The following ITGA11 variants were observed in gnomAD, a reference collection of about 807,000 sequenced individuals.
The protein encoded by ITGA11 is integrin subunit alpha 11, also known as integrin alpha-11.
Under a neutral mutation model 141.9 loss-of-function variants are expected in ITGA11, and 97 were observed. The ratio of observed to expected loss-of-function variants is 0.68; its 90% CI spans 0.58 to 0.81. The LOEUF is 0.81. Among genes scored for constraint, ITGA11 ranks in the 30% least tolerant of loss-of-function variants. The probability of loss-of-function intolerance (pLI) is 0.00; values close to 1 mark genes in which losing one functional copy is unlikely to be tolerated. For missense variants in ITGA11, 1,387 were observed against 1,559.2 expected (o/e 0.89, Z 1.86); for synonymous variants, 658 against 624.6 (o/e 1.05, Z -0.80).
At chr15:68,395,361 T>G (rs113392325) in intron 2 of ITGA11, among the ~76,000 whole-genome samples, 1 of 151,822 alleles carries the variant, frequency 6.6e-6, no homozygotes, top group African/African-American at 2.4e-5. Context: ...TTCAGAAGGT[T>G]GGCAATAACA....
In ITGA11 at chr15:68,403,961, CAA is replaced by C. The variant is rs1218363542; in HGVS notation, c.53-934_53-933del. 2.0e-5 allele frequency among the ~76,000 whole-genome samples: 3 copies of C among 152,136 alleles called. No homozygotes were observed. In the East Asian group the frequency reaches 5.8e-4, roughly 29 times the overall value. On this transcript the variant is annotated intron_variant, in intron 1 of 29. Coordinates refer to ENST00000315757, the MANE Select transcript of ITGA11 (RefSeq NM_001004439.2). Reference sequence around the variant, plus strand: ...ATAGGGGGGACATAAAACCTGCTCTCAAAGAGACCCAGTCTGAATGGAAGACC... The same window carrying C: ...ATAGGGGGGACATAAAACCTGCTCTCAGAGACCCAGTCTGAATGGAAGACC...
intron 2 of ITGA11, among the ~76,000 whole-genome samples, chr15:68,386,159 T>C (rs1034219932): frequency 6.6e-6 from 1 of 152,178 alleles, no homozygotes; most frequent in Non-Finnish European, 1.5e-5. Flanking sequence ...GGTATTAACC[T>C]GATCAACCTA....
intron 1 of ITGA11, among the ~76,000 whole-genome samples, chr15:68,423,599 G>A (rs749499958): frequency 1.4e-4 from 21 of 152,182 alleles, no homozygotes; most frequent in Non-Finnish European, 2.5e-4. Context: ...CAAAGAGTCT[G>A]GACTCAACCC....
Position 68,325,100 on chromosome 15 carries a change from C to A in ITGA11, c.2322+31G>T, listed in dbSNP as rs1328287929. On this transcript the variant is annotated intron_variant, in intron 18 of 29. Transcript: ENST00000315757. This position sits in a 1 kb window ranked among gnomAD's most constrained non-coding sequence, Gnocchi z 5.5. ...GGTGGAGGTGGGGGTGGGGTTCATG[C>A]CCGAGGTGCGTGCCCTGTACCGAGA... 1.3e-6 allele frequency: 2 copies of A among 1,533,490 alleles called. No individual in the cohort carries two copies. The highest frequency in any genetic ancestry group is 3.3e-5 in the Admixed American group (2 of 59,892). The allele number at this position is 1,533,490 out of a possible 1,614,324, so 95.0% of individuals were successfully genotyped here.
chr15:68,316,806 C>T (rs149693491), intron 21 of ITGA11, among the ~76,000 whole-genome samples: 9 of 152,330 alleles, frequency 5.9e-5, no homozygotes, highest in Admixed American at 3.9e-4. Flanking sequence ...TGCAATCTGG[C>T]GTCTCCCTCC....
At chr15:68,344,688 C>G (rs1370705761) in intron 10 of ITGA11, among the ~76,000 whole-genome samples, 2 of 152,052 alleles carry the variant, frequency 1.3e-5, no homozygotes, top group Non-Finnish European at 2.9e-5. Flanking sequence ...AGAGGACCCT[C>G]CCACACAGGG....
Position 68,325,293 on chromosome 15 carries a change from T to C in ITGA11, c.2212-52A>G. On this transcript the variant is annotated intron_variant, in intron 17 of 29. Transcript: ENST00000315757. The surrounding 1 kb of genome is among the most constrained non-coding windows in gnomAD (Gnocchi z 5.5). ...TGAGGGAGGAGAGAACGTCATTTTATGAGCCAGGACCGTGGATGCTGAGAT... is the reference window on the plus strand; with the variant it reads ...TGAGGGAGGAGAGAACGTCATTTTACGAGCCAGGACCGTGGATGCTGAGAT... 8.0e-7 allele frequency: 1 copy of C among 1,247,718 alleles called. No individual in the cohort carries two copies. 77.3% of individuals were successfully genotyped at this position (1,247,718 alleles called of 1,614,324 possible). A position where few individuals can be genotyped will look rare whatever the true frequency, so the allele number is the denominator to read the frequency against.
rs1262430577 is a variant in ITGA11, at chr15:68,298,055, T to A, written c.*5004A>T. Reference sequence around the variant, plus strand: ...CAATAACCTAGTGAGACTGCGGAAATCATCCAGACAGGTTTTAAAACATTT... The same window carrying A: ...CAATAACCTAGTGAGACTGCGGAAAACATCCAGACAGGTTTTAAAACATTT... On this transcript the variant is annotated 3_prime_UTR_variant, in exon 30 of 30. Coordinates refer to ENST00000315757, the MANE Select transcript of ITGA11 (RefSeq NM_001004439.2). 6.6e-6 allele frequency: 1 copy of A among 152,204 alleles called. No homozygotes were observed. The highest frequency in any genetic ancestry group is 1.5e-5 in the Non-Finnish European group (1 of 68,036). The allele number at this position is 152,204 out of a possible 1,614,324, so 9.4% of individuals were successfully genotyped here. A position where few individuals can be genotyped will look rare whatever the true frequency, so the allele number is the denominator to read the frequency against.
At chr15:68,387,685 A>G (rs1896019542) in intron 2 of ITGA11, among the ~76,000 whole-genome samples, 1 of 152,094 alleles carries the variant, frequency 6.6e-6, no homozygotes, top group Non-Finnish European at 1.5e-5. Context: ...ATCCTGGTAG[A>G]GGCTGCCCAG....
At chr15:68,431,912 C>G (rs1313135278) in intron 1 of ITGA11, 103 bp downstream of exon 1, 3 of 803,470 alleles carry the variant, frequency 3.7e-6, no homozygotes, top group African/African-American at 1.8e-5. Flanking sequence ...GAGGTCTGAC[C>G]CTGGGAGGAG....
intron 4 of ITGA11, 110 bp from the exon 5 acceptor site, chr15:68,361,814 C>A: frequency 1.4e-6 from 1 of 708,806 alleles, no homozygotes; most frequent in Admixed American, 2.5e-5. Flanking sequence ...AGACTTCTAT[C>A]TGAGGGGTGA....
chr15:68,419,848 TGA>T (rs1273732645), intron 1 of ITGA11, among the ~76,000 whole-genome samples: 1 of 152,218 alleles, frequency 6.6e-6, no homozygotes, highest in Non-Finnish European at 1.5e-5. Context: ...TGCCAGGCTG[TGA>T]CTTTATCATC....
intron 2 of ITGA11, among the ~76,000 whole-genome samples, chr15:68,400,675 T>C (rs1212574202): frequency 1.7e-5 from 1 of 59,762 alleles, no homozygotes; most frequent in Non-Finnish European, 2.7e-5. Context: ...TTATATATTA[T>C]ATAATAAATA....
At chr15:68,364,657 AC>A (rs767155932) in intron 4 of ITGA11, 49 bp downstream of exon 4, 5 of 671,320 alleles carry the variant, frequency 7.4e-6, no homozygotes, top group Middle Eastern at 3.1e-4. Flanking sequence ...ACCCCTCCCC[AC>A]CCCCACCCCT....
At chr15:68,423,463 TAAG>T (rs1897066843) in intron 1 of ITGA11, among the ~76,000 whole-genome samples, 1 of 152,104 alleles carries the variant, frequency 6.6e-6, no homozygotes, top group Non-Finnish European at 1.5e-5. Context: ...TTTAAGAAAC[TAAG>T]AAGCTCAGTC....
In ITGA11 at chr15:68,432,145, G is replaced by T. The variant is rs1027036075; in HGVS notation, c.-79C>A. 9.0e-7 allele frequency: 1 copy of T among 1,115,124 alleles called. No homozygotes were observed. Among genetic ancestry groups the T allele is most frequent in the Non-Finnish European group, 1.2e-6 (1 of 857,606 alleles). 69.1% of individuals were successfully genotyped at this position (1,115,124 alleles called of 1,614,324 possible). A position where few individuals can be genotyped will look rare whatever the true frequency, so the allele number is the denominator to read the frequency against. ...GCCAGAGCGGCAGCCTCCTCGGCGC[G>T]GCGCCTGCAGCCTGCACTGCGCGGG... On this transcript the variant is annotated 5_prime_UTR_variant, in exon 1 of 30. Coordinates refer to ENST00000315757, the MANE Select transcript of ITGA11 (RefSeq NM_001004439.2).
chr15:68,406,740 G>C (rs1206749918), intron 1 of ITGA11, among the ~76,000 whole-genome samples: 1 of 152,150 alleles, frequency 6.6e-6, no homozygotes, highest in East Asian at 1.9e-4. Context: ...CTGGTTGACT[G>C]AACAGTTAGA....
rs1385784721 is a variant in ITGA11, at chr15:68,335,756, G to C, written c.1366C>G (p.Leu456Val). The C allele has an allele frequency of 6.2e-7, 1 of 1,613,914 alleles. No homozygotes were observed. Among genetic ancestry groups the C allele is most frequent in the East Asian group, 2.2e-5 (1 of 44,884 alleles). Residue 456 changes from leucine (L) to valine (V), a missense_variant, in exon 12 of 30, where the codon CTG (leucine) becomes GTG (valine). Physicochemically the swap from Leu to Val is conservative, Grantham distance 32. Transcript: ENST00000315757. The surrounding 1 kb of genome is among the most constrained non-coding windows in gnomAD (Gnocchi z 4.9). Reference protein sequence around the residue: ...PRFNHTGKVILFTMHNNRSLT... With the variant: ...PRFNHTGKVIVFTMHNNRSLT... ...CTCCGGTTGTTGTGCATGGTGAACA[G>C]GATGACCTTGCCCGTGTGGTTGAAC...
intron 24 of ITGA11, 46 bp from the exon 25 acceptor site, chr15:68,311,449 G>T (rs1441156115): frequency 2.1e-6 from 3 of 1,395,450 alleles, no homozygotes; most frequent in African/African-American, 1.4e-5. Flanking sequence ...GTTGAGGGGG[G>T]TGGAAAACAA....
Sources: allele counts gnomAD v4.1 joint callset (sites outside exome capture counted in the v4.1 genomes callset), GRCh38; gene constraint gnomAD v4.1.1; non-coding constraint Gnocchi (gnomAD v3.1); transcripts MANE v1.5; gene names NCBI Gene and HGNC (gene_info 2026-07-23, HGNC 2026-07-21).